NXPE2: variants seen among roughly 807,000 people sequenced by gnomAD.
The protein encoded by NXPE2 is NXPE family member 2.
NXPE2 carries 34 observed loss-of-function variants against 34.4 expected under a neutral mutation model. The ratio of observed to expected loss-of-function variants is 0.99; its 90% CI spans 0.75 to 1.31. NXPE2 has a LOEUF of 1.31. Ranked by LOEUF, NXPE2 falls within the 40% of genes most tolerant of loss-of-function variation. NXPE2 has a pLI of 0.00. For synonymous variants in NXPE2, 235 were observed against 231.3 expected (o/e 1.02, Z -0.15); for missense variants, 649 against 672.5 (o/e 0.97, Z 0.39).
the NXPE2 span, among the ~76,000 whole-genome samples, chr11:114,587,627 C>G: frequency 6.6e-6 from 1 of 152,176 alleles, no homozygotes; most frequent in Non-Finnish European, 1.5e-5. Context: ...ATGGATGGCA[C>G]CTTAAAAGAT....
the NXPE2 span, among the ~76,000 whole-genome samples, chr11:114,741,611 A>G: frequency 6.6e-6 from 1 of 150,780 alleles, no homozygotes; most frequent in African/African-American, 2.4e-5. Flanking sequence ...CCTCTATTGC[A>G]TTTTTCTATT....
At chr11:114,481,901 TC>T in the NXPE2 span, among the ~76,000 whole-genome samples, 1 of 152,112 alleles carries the variant, frequency 6.6e-6, no homozygotes, top group African/African-American at 2.4e-5. Context: ...ACACCACCCT[TC>T]CTATACACTT....
chr11:114,544,599 T>C, the NXPE2 span, among the ~76,000 whole-genome samples: 1 of 152,100 alleles, frequency 6.6e-6, no homozygotes, highest in African/African-American at 2.4e-5. Flanking sequence ...CAGACCTAAA[T>C]AAATATAAAA....
the NXPE2 span, among the ~76,000 whole-genome samples, chr11:114,629,679 C>T: frequency 6.6e-5 from 10 of 151,932 alleles, no homozygotes; most frequent in Non-Finnish European, 1.3e-4. Flanking sequence ...AGGGCAATTA[C>T]ATAGGAGAAG....
At chr11:114,478,368 G>A in the NXPE2 span, among the ~76,000 whole-genome samples, 1 of 152,122 alleles carries the variant, frequency 6.6e-6, no homozygotes, top group African/African-American at 2.4e-5. Flanking sequence ...TGTAAAGCTG[G>A]CAAGAAGGTT....
At chr11:114,558,942 T>C in the NXPE2 span, among the ~76,000 whole-genome samples, 1 of 152,168 alleles carries the variant, frequency 6.6e-6, no homozygotes, top group Admixed American at 6.5e-5. Flanking sequence ...TTAATATGTA[T>C]TACTATGAAA....
At chr11:114,469,006 C>T in the NXPE2 span, among the ~76,000 whole-genome samples, 2 of 146,546 alleles carry the variant, frequency 1.4e-5, no homozygotes, top group East Asian at 4.1e-4. Context: ...GCAAAATTCA[C>T]AATGAAAATA....
the NXPE2 span, among the ~76,000 whole-genome samples, chr11:114,540,944 ATC>A: frequency 7.2e-6 from 1 of 138,308 alleles, no homozygotes; most frequent in Non-Finnish European, 1.5e-5. Flanking sequence ...GGAGGGGGAA[ATC>A]CCAGAACAGA....
chr11:114,717,864 C>T, the NXPE2 span, among the ~76,000 whole-genome samples: 1 of 152,224 alleles, frequency 6.6e-6, no homozygotes, highest in African/African-American at 2.4e-5. Flanking sequence ...AGTGTTTGGG[C>T]CCTAGGAAAA....
chr11:114,601,822 T>A, the NXPE2 span, among the ~76,000 whole-genome samples: 1 of 74,540 alleles, frequency 1.3e-5, no homozygotes, highest in African/African-American at 5.5e-5. Flanking sequence ...TAATTATATA[T>A]AATATATAAT....
At chr11:114,575,077 A>T in the NXPE2 span, among the ~76,000 whole-genome samples, 1 of 152,150 alleles carries the variant, frequency 6.6e-6, no homozygotes, top group African/African-American at 2.4e-5. Flanking sequence ...TATAAATAGA[A>T]TTAAAAACAA....
chr11:114,613,247 G>C, the NXPE2 span, among the ~76,000 whole-genome samples: 1 of 151,716 alleles, frequency 6.6e-6, no homozygotes, highest in Non-Finnish European at 1.5e-5. Context: ...CTGTTACCCG[G>C]TGGATAATAA....
At chr11:114,485,565 A>T in the NXPE2 span, among the ~76,000 whole-genome samples, 2 of 151,706 alleles carry the variant, frequency 1.3e-5, no homozygotes, top group Admixed American at 1.3e-4. Context: ...ATTATTGTTG[A>T]CTATAGTCAC....
chr11:114,549,822 A>G, the NXPE2 span, among the ~76,000 whole-genome samples: 1 of 152,100 alleles, frequency 6.6e-6, no homozygotes, highest in Non-Finnish European at 1.5e-5. Flanking sequence ...TATTTATCTG[A>G]AAAACCCCAA....
the NXPE2 span, chr11:114,554,542 T>C: frequency 8.2e-6 from 2 of 244,982 alleles, no homozygotes; most frequent in Non-Finnish European, 1.3e-5. Flanking sequence ...TATCAACATT[T>C]TAAATAAACT....
the NXPE2 span, among the ~76,000 whole-genome samples, chr11:114,718,478 A>G: frequency 2.6e-5 from 4 of 152,222 alleles, no homozygotes; most frequent in Non-Finnish European, 4.4e-5. Context: ...AAAACATGCA[A>G]CAATATGACT....
In NXPE2 at chr11:114,705,882, A is replaced by G. The variant is rs563796098; in HGVS notation, c.1030A>G (p.Ile344Val). The change falls in exon 5 of 6, where the codon ATC becomes GTC. Residue 344 changes from isoleucine (I) to valine (V), a missense_variant. Ile to Val is a conservative substitution (Grantham distance 29). Transcript: ENST00000389586. ...GTGGATTACAGCATTTTGTAAACAG[A>G]TCAAGTTCAATGAAACAAAAAATAT... ...KMWITAFCKQ[I>V]KFNETKNIND... 7.1e-6 allele frequency: 11 copies of G among 1,543,832 alleles called. No individual in the cohort carries two copies. In the African/African-American group the frequency reaches 1.5e-4, roughly 21 times the overall value.
At chr11:114,583,624 T>C in the NXPE2 span, 1 of 592,838 alleles carries the variant, frequency 1.7e-6, no homozygotes, top group South Asian at 1.4e-5. Context: ...CTGTGAAACT[T>C]AATGAGCAGC....
At chr11:114,528,994 A>G in the NXPE2 span, 1 of 418,014 alleles carries the variant, frequency 2.4e-6, no homozygotes, top group Non-Finnish European at 4.3e-6. Context: ...GCCAGGGACT[A>G]TAGATCAGGA....
Sources: gnomAD v4.1 joint callset for allele counts (sites outside exome capture counted in the v4.1 genomes callset) on GRCh38, gnomAD v4.1.1 for gene constraint, MANE v1.5 for transcripts, NCBI Gene and HGNC (gene_info 2026-07-23, HGNC 2026-07-21) for gene names.